The following MGAT4C variants were observed in gnomAD, a reference collection of about 807,000 sequenced individuals.
The protein encoded by MGAT4C is alpha-1,3-mannosyl-glycoprotein 4-beta-N-acetylglucosaminyltransferase C.
In MGAT4C, 19 loss-of-function variants were observed where a neutral mutation model predicts 40.1. The observed-to-expected ratio is 0.47, with a 90% confidence interval of 0.33 to 0.70. The LOEUF (loss-of-function observed/expected upper bound fraction) is 0.70, where lower values mean the gene tolerates loss of function less well. Ranked by LOEUF, MGAT4C falls within the 30% of genes least tolerant of loss-of-function variation. MGAT4C has a pLI of 0.02. For synonymous variants in MGAT4C, 181 were observed against 187.1 expected, an observed-to-expected ratio of 0.97 and a Z score of 0.27; for missense variants, 491 against 563.2, an observed-to-expected ratio of 0.87 and a Z score of 1.30.
intron 1 of MGAT4C, among the ~76,000 whole-genome samples, chr12:86,810,221 G>C (rs1289614039): frequency 6.6e-6 from 1 of 151,738 alleles, no homozygotes; most frequent in Non-Finnish European, 1.5e-5. Flanking sequence ...AAAACATTTA[G>C]GCATTTGGGG....
intron 4 of MGAT4C, among the ~76,000 whole-genome samples, chr12:86,307,166 T>C (rs969909859): frequency 6.7e-6 from 1 of 149,932 alleles, no homozygotes; most frequent in East Asian, 2.0e-4. Context: ...TCAGTTAAGA[T>C]AGTTTGCTTA....
At chr12:86,719,122 T>A (rs1327789520) in intron 2 of MGAT4C, among the ~76,000 whole-genome samples, 1 of 152,176 alleles carries the variant, frequency 6.6e-6, no homozygotes, top group African/African-American at 2.4e-5. Context: ...CCCCTACCTC[T>A]TAAATGAATG....
intron 1 of MGAT4C, among the ~76,000 whole-genome samples, chr12:86,759,257 T>C (rs983204016): frequency 6.6e-6 from 1 of 152,154 alleles, no homozygotes; most frequent in Non-Finnish European, 1.5e-5. Context: ...ATTGTGTATA[T>C]ATACCATGGT....
At chr12:86,550,108 C>T (rs1959273755) in intron 2 of MGAT4C, among the ~76,000 whole-genome samples, 1 of 152,162 alleles carries the variant, frequency 6.6e-6, no homozygotes, top group South Asian at 2.1e-4. Flanking sequence ...GCTTTTCCCC[C>T]TTCACTTTCC....
intron 2 of MGAT4C, among the ~76,000 whole-genome samples, chr12:86,481,346 T>C (rs149190827): frequency 2.1e-4 from 32 of 152,152 alleles, no homozygotes; most frequent in African/African-American, 7.0e-4. Flanking sequence ...CAAAACTTAG[T>C]GTGAGGGAAA....
intron 1 of MGAT4C, among the ~76,000 whole-genome samples, chr12:86,747,474 C>G (rs1006969541): frequency 2.0e-5 from 3 of 151,504 alleles, no homozygotes; most frequent in Non-Finnish European, 4.4e-5. Flanking sequence ...ACAATTATTT[C>G]TCTTTAAAAT....
intron 1 of MGAT4C, among the ~76,000 whole-genome samples, chr12:86,136,908 G>A (rs768471974): frequency 1.1e-4 from 16 of 151,926 alleles, no homozygotes; most frequent in African/African-American, 1.9e-4. Context: ...GGCTGGTCTC[G>A]AACTCCTAAC....
intron 1 of MGAT4C, among the ~76,000 whole-genome samples, chr12:86,828,531 C>T (rs1952853374): frequency 6.6e-6 from 1 of 151,402 alleles, no homozygotes; most frequent in Admixed American, 6.6e-5. Context: ...TTTTGAAACA[C>T]ACATTCATAA....
intron 1 of MGAT4C, among the ~76,000 whole-genome samples, chr12:86,157,720 A>G (rs1298528199): frequency 6.6e-6 from 1 of 152,176 alleles, no homozygotes; most frequent in Non-Finnish European, 1.5e-5. Context: ...CACATCTTAC[A>G]TGGTGGCAGG....
intron 2 of MGAT4C, chr12:86,016,013 G>C (rs1453081298): frequency 1.3e-5 from 2 of 152,060 alleles, no homozygotes; most frequent in East Asian, 3.9e-4. Context: ...TAATCTTCTA[G>C]GTGGCTCAAA....
intron 3 of MGAT4C, among the ~76,000 whole-genome samples, chr12:86,372,891 T>C (rs1955745953): frequency 6.6e-6 from 1 of 151,660 alleles, no homozygotes; most frequent in Non-Finnish European, 1.5e-5. Flanking sequence ...GTATATAGTT[T>C]AAATAAAAGT....
intron 2 of MGAT4C, among the ~76,000 whole-genome samples, chr12:86,510,798 A>G (rs2136347560): frequency 6.6e-6 from 1 of 152,348 alleles, no homozygotes; most frequent in Non-Finnish European, 1.5e-5. Flanking sequence ...TAACTAGCCT[A>G]AATATATATG....
intron 4 of MGAT4C, among the ~76,000 whole-genome samples, chr12:86,269,993 C>A (rs539214029): frequency 6.6e-6 from 1 of 152,182 alleles, no homozygotes; most frequent in African/African-American, 2.4e-5. Context: ...ACAAGCATCA[C>A]CATCATCCTT....
chr12:86,279,200 C>G (rs995215453), intron 4 of MGAT4C, among the ~76,000 whole-genome samples: 2 of 152,008 alleles, frequency 1.3e-5, no homozygotes, highest in Non-Finnish European at 1.5e-5. Context: ...TTCACTCCTT[C>G]TCTATTTTTT....
chr12:86,795,480 C>A (rs1466749605), intron 1 of MGAT4C, among the ~76,000 whole-genome samples: 1 of 151,868 alleles, frequency 6.6e-6, no homozygotes, highest in Non-Finnish European at 1.5e-5. Context: ...TTGTCTTTAA[C>A]CTCCACAAGT....
At chr12:86,660,737 C>A (rs992982012) in intron 2 of MGAT4C, among the ~76,000 whole-genome samples, 2 of 152,018 alleles carry the variant, frequency 1.3e-5, no homozygotes, top group African/African-American at 4.8e-5. Flanking sequence ...ATGTTTAATT[C>A]CATTTATACT....
intron 2 of MGAT4C, among the ~76,000 whole-genome samples, chr12:86,599,070 A>G (rs1257213130): frequency 3.9e-5 from 6 of 152,156 alleles, no homozygotes; most frequent in African/African-American, 1.4e-4. Context: ...CACTGCATAT[A>G]AACTGCTAAA....
At chr12:86,027,372 A>G (rs1238814835) in intron 2 of MGAT4C, among the ~76,000 whole-genome samples, 2 of 151,876 alleles carry the variant, frequency 1.3e-5, no homozygotes, top group African/African-American at 2.4e-5. Context: ...TAATTTTGTT[A>G]CATTTTTATT....
intron 1 of MGAT4C, among the ~76,000 whole-genome samples, chr12:86,145,601 T>C (rs776225786): frequency 5.9e-5 from 9 of 152,208 alleles, no homozygotes; most frequent in Non-Finnish European, 1.0e-4. Context: ...TGTTTTGTTA[T>C]GGATTCTCAT....
Sources: allele counts gnomAD v4.1 joint callset (sites outside exome capture counted in the v4.1 genomes callset), GRCh38; gene constraint gnomAD v4.1.1; transcripts MANE v1.5; gene names NCBI Gene and HGNC (gene_info 2026-07-23, HGNC 2026-07-21).